The following HIP1 variants were observed in gnomAD, a reference collection of about 807,000 sequenced individuals.
The protein encoded by HIP1 is huntingtin interacting protein 1, also known as huntingtin-interacting protein 1.
A neutral mutation model predicts 147.6 loss-of-function variants in HIP1; 65 were observed. The observed-to-expected ratio is 0.44, with a 90% CI of 0.36 to 0.54. The LOEUF is 0.54. HIP1 is among the 20% of genes least tolerant of loss of function. HIP1 has a pLI of 0.00. For missense variants in HIP1, 1,061 were observed against 1,299.6 expected (o/e 0.82, Z 2.82); for synonymous variants, 479 against 504.0 (o/e 0.95, Z 0.67).
chr7:75,591,909 G>T, intron 4 of HIP1, 147 bp downstream of exon 4: 2 of 736,698 alleles, frequency 2.7e-6, no homozygotes, highest in Admixed American at 1.9e-5. Flanking sequence ...CTCTTTGGGG[G>T]CATCCTTAGT....
At position 75,586,579 on chromosome 7, in the gene HIP1, C is replaced by T. The variant is rs145127095; in HGVS notation, c.465+174G>A. Among the ~76,000 whole-genome samples, 23 of 152,260 alleles carry T rather than the reference C, an allele frequency of 1.5e-4. No homozygotes were observed. The East Asian group carries it at 4.2e-3, about 28-fold the overall frequency. ...CAAAATCCCAGCCTTCGTCACACCCCGTGGGCCTGGCGGTGGCTTTCCTCT... is the reference window on the plus strand; with the variant it reads ...CAAAATCCCAGCCTTCGTCACACCCTGTGGGCCTGGCGGTGGCTTTCCTCT... On this transcript the variant is annotated intron_variant, in intron 5 of 30. Coordinates refer to ENST00000336926, the MANE Select transcript of HIP1 (RefSeq NM_005338.7).
intron 9 of HIP1, among the ~76,000 whole-genome samples, chr7:75,565,135 G>A (rs1487119147): frequency 6.6e-6 from 1 of 152,148 alleles, no homozygotes; most frequent in Non-Finnish European, 1.5e-5. Flanking sequence ...GAAACCCCCA[G>A]GGTCTCGTTA....
At chr7:75,731,280 A>T (rs1554522989) in intron 1 of HIP1, among the ~76,000 whole-genome samples, 4 of 151,506 alleles carry the variant, frequency 2.6e-5, no homozygotes, top group South Asian at 2.1e-4. Flanking sequence ...GTCAGGAGTT[A>T]GAGACCAGCC....
intron 4 of HIP1, among the ~76,000 whole-genome samples, chr7:75,590,098 T>C (rs1554500471): frequency 2.0e-5 from 3 of 152,068 alleles, no homozygotes; most frequent in African/African-American, 2.4e-5. Flanking sequence ...TTATGGAAGT[T>C]AGAAAGGAAA....
intron 1 of HIP1, among the ~76,000 whole-genome samples, chr7:75,709,113 T>TTC: frequency 6.7e-6 from 1 of 150,356 alleles, no homozygotes; most frequent in East Asian, 1.9e-4. Flanking sequence ...TCTTTTCTTT[T>TTC]TTTTTTTTTT....
chr7:75,622,719 T>G (rs1436208881), intron 1 of HIP1, among the ~76,000 whole-genome samples: 1 of 152,080 alleles, frequency 6.6e-6, no homozygotes, highest in African/African-American at 2.4e-5. Flanking sequence ...GGCTGGTGCC[T>G]GTAATCCCAA....
chr7:75,655,586 AAAAAGAAAAG>A (rs1204729555), intron 1 of HIP1, among the ~76,000 whole-genome samples: 4 of 150,718 alleles, frequency 2.7e-5, no homozygotes, highest in South Asian at 2.1e-4. Flanking sequence ...GTCTCAAAAA[AAAAAGAAAAG>A]AAAAGAAAAG....
At chr7:75,620,386 TAA>T (rs34932997) in intron 1 of HIP1, among the ~76,000 whole-genome samples, 38 of 66,944 alleles carry the variant, frequency 5.7e-4, no homozygotes, top group Non-Finnish European at 4.9e-4. Flanking sequence ...ACCATGTCTT[TAA>T]AAAAAAAAAA....
intron 1 of HIP1, among the ~76,000 whole-genome samples, chr7:75,650,454 T>TTTTTTTG (rs1798935736): frequency 1.4e-5 from 1 of 74,012 alleles, no homozygotes; most frequent in Non-Finnish European, 2.9e-5. Flanking sequence ...CCCAGTTATC[T>TTTTTTTG]TTTTTTTTTT....
At chr7:75,562,380 C>G (rs1247877016) in intron 11 of HIP1, among the ~76,000 whole-genome samples, 1 of 152,196 alleles carries the variant, frequency 6.6e-6, no homozygotes, top group Non-Finnish European at 1.5e-5. Flanking sequence ...GCCTCCAACT[C>G]CTGGCTCAAG....
At chr7:75,669,104 G>T (rs1799654109) in intron 1 of HIP1, among the ~76,000 whole-genome samples, 3 of 152,160 alleles carry the variant, frequency 2.0e-5, no homozygotes, top group African/African-American at 4.8e-5. Flanking sequence ...GGTGGCTCAC[G>T]CCTGTAATCC....
In HIP1 at chr7:75,548,906, G is replaced by A; in HGVS notation, c.2391C>T (p.Ala797=). 1 of 1,613,204 alleles carries A rather than the reference G, an allele frequency of 6.2e-7. No individual in the cohort carries two copies. Among genetic ancestry groups the A allele is most frequent in the Non-Finnish European group, 8.5e-7 (1 of 1,179,136 alleles). ...MAATSAAIET[A]TARIEEMLSK... ...AACCTCCTACCTCTATTCTGGCCGT[G>A]GCAGTTTCAATAGCAGCTGAAGTGG... is the stretch of plus-strand genomic sequence containing the variant. Residue 797 remains alanine (A), a synonymous_variant, in exon 23 of 31, where the codon GCC becomes GCT. Transcript: ENST00000336926.
At chr7:75,700,854 C>T (rs1800805808) in intron 1 of HIP1, among the ~76,000 whole-genome samples, 1 of 151,918 alleles carries the variant, frequency 6.6e-6, no homozygotes, top group Admixed American at 6.6e-5. Flanking sequence ...TACAGGCACC[C>T]GCCACCACAC....
chr7:75,550,960 T>C (rs782546078), intron 22 of HIP1, among the ~76,000 whole-genome samples: 26 of 152,142 alleles, frequency 1.7e-4, no homozygotes, highest in Non-Finnish European at 2.6e-4. Flanking sequence ...AAACTGGAAA[T>C]AACCCAAGTG....
chr7:75,691,021 C>T (rs782328247), intron 1 of HIP1, among the ~76,000 whole-genome samples: 2 of 152,058 alleles, frequency 1.3e-5, no homozygotes, highest in Admixed American at 1.3e-4. Flanking sequence ...AAATGTGGAT[C>T]GGCAGATGAA....
chr7:75,730,970 A>G (rs1011608176), intron 1 of HIP1, among the ~76,000 whole-genome samples: 2 of 145,146 alleles, frequency 1.4e-5, no homozygotes, highest in Admixed American at 1.4e-4. Context: ...CCTGGCCTCA[A>G]GTGATCCGCC....
intron 1 of HIP1, among the ~76,000 whole-genome samples, chr7:75,661,024 A>G (rs1160200831): frequency 1.3e-5 from 2 of 152,112 alleles, no homozygotes; most frequent in African/African-American, 2.4e-5. Context: ...CACGCCTGTA[A>G]TGCTAACACT....
At chr7:75,671,684 T>G (rs376021386) in intron 1 of HIP1, among the ~76,000 whole-genome samples, 1 of 152,150 alleles carries the variant, frequency 6.6e-6, no homozygotes, top group Non-Finnish European at 1.5e-5. Context: ...CCTCCAATCA[T>G]GCACAAGGAT....
chr7:75,687,604 T>C (rs528933515), intron 1 of HIP1, among the ~76,000 whole-genome samples: 1 of 152,276 alleles, frequency 6.6e-6, no homozygotes, highest in East Asian at 1.9e-4. Flanking sequence ...GGCAGGAGTA[T>C]TGCTTGAACC....
Sources: allele counts gnomAD v4.1 joint callset (sites outside exome capture counted in the v4.1 genomes callset), GRCh38; gene constraint gnomAD v4.1.1; transcripts MANE v1.5; gene names NCBI Gene and HGNC (gene_info 2026-07-23, HGNC 2026-07-21).